ABHD12: variants seen among roughly 807,000 people sequenced by gnomAD.
ABHD12 encodes abhydrolase domain containing 12, lysophospholipase.
ABHD12 carries 43 observed loss-of-function variants against 58.3 expected under a neutral mutation model. The observed-to-expected ratio is 0.74, with a 90% CI of 0.58 to 0.95. The LOEUF is 0.95. ABHD12 is among the 40% of genes least tolerant of loss of function. The pLI, the probability that ABHD12 is intolerant of heterozygous loss-of-function variation, is 0.00. For synonymous variants in ABHD12, 219 were observed against 211.2 expected, an observed-to-expected ratio of 1.04 and a Z score of -0.32; for missense variants, 539 against 537.2, an observed-to-expected ratio of 1.00 and a Z score of -0.03.
intron 3 of ABHD12, among the ~76,000 whole-genome samples, chr20:25,322,381 A>ATATATATTTTTTTT: frequency 1.0e-4 from 6 of 59,270 alleles, no homozygotes; most frequent in African/African-American, 1.7e-4. Flanking sequence ...ATATATATAT[A>ATATATATTTTTTTT]TTTTTTTTTT....
At chr20:25,317,486 G>A (rs936581847) in intron 4 of ABHD12, among the ~76,000 whole-genome samples, 1 of 152,166 alleles carries the variant, frequency 6.6e-6, no homozygotes, top group Non-Finnish European at 1.5e-5. Flanking sequence ...TGCTCCGCAC[G>A]TCTCAGCCGA....
At chr20:25,317,758 C>T (rs1448871544) in intron 4 of ABHD12, among the ~76,000 whole-genome samples, 2 of 152,234 alleles carry the variant, frequency 1.3e-5, no homozygotes, top group Admixed American at 6.5e-5. Flanking sequence ...TCGGCACACA[C>T]CCTCCCATTT....
At position 25,300,692 on chromosome 20, in the gene ABHD12, TC is replaced by T. The variant is rs1395027520; in HGVS notation, c.*152del. 8 of 1,538,162 alleles carry T rather than the reference TC, an allele frequency of 5.2e-6. No homozygotes were observed. In the African/African-American group the frequency reaches 9.6e-5, roughly 18 times the overall value. ...CGGGCACTGCAGGCCTGCAGGGGCC[TC>T]CCCGCCTGGGATCTGAGGTGCTCTC... On this transcript the variant is annotated 3_prime_UTR_variant, in exon 13 of 13. Coordinates refer to ENST00000339157, the MANE Select transcript of ABHD12 (RefSeq NM_001042472.3).
intron 1 of ABHD12, among the ~76,000 whole-genome samples, chr20:25,359,100 TA>T (rs367930738): frequency 0.044 from 5,700 of 128,644 alleles, 315 homozygotes; most frequent in African/African-American, 0.14. Flanking sequence ...GCCTCCTTTG[TA>T]AAAAAAAAAA....
At chr20:25,330,623 G>C (rs915117355) in intron 2 of ABHD12, among the ~76,000 whole-genome samples, 1 of 152,192 alleles carries the variant, frequency 6.6e-6, no homozygotes, top group Non-Finnish European at 1.5e-5. Flanking sequence ...ATCTGAGAAC[G>C]GGCAGAATGC....
At chr20:25,297,503 T>C (rs1380311885), downstream of ABHD12, 3 of 152,306 alleles carry the variant, frequency 2.0e-5, no homozygotes, top group Non-Finnish European at 4.4e-5. Context: ...TTTCCACCAG[T>C]GCCACAGCCT....
intron 1 of ABHD12, chr20:25,368,739 A>G (rs1305244558): frequency 2.7e-6 from 3 of 1,109,746 alleles, no homozygotes; most frequent in Admixed American, 3.5e-5. Context: ...CTTCGTCAGC[A>G]ATGTTGAAGA....
chr20:25,324,138 C>T (rs906262301), intron 2 of ABHD12, among the ~76,000 whole-genome samples: 3 of 152,220 alleles, frequency 2.0e-5, no homozygotes, highest in Non-Finnish European at 4.4e-5. Flanking sequence ...CAGCACCTCA[C>T]ACTGTGGAAG....
intron 1 of ABHD12, among the ~76,000 whole-genome samples, chr20:25,360,408 T>C (rs1568759505): frequency 1.3e-5 from 2 of 151,526 alleles, no homozygotes; most frequent in Non-Finnish European, 2.9e-5. Flanking sequence ...GCCCGACTAA[T>C]TTTTGTATTT....
chr20:25,324,366 T>C (rs2089137248), intron 2 of ABHD12, among the ~76,000 whole-genome samples: 1 of 152,136 alleles, frequency 6.6e-6, no homozygotes, highest in Admixed American at 6.5e-5. Context: ...ATGGGGGCAA[T>C]TTTTTCCTTA....
At chr20:25,371,960 C>T (rs1456946649) in intron 1 of ABHD12, among the ~76,000 whole-genome samples, 4 of 152,156 alleles carry the variant, frequency 2.6e-5, no homozygotes, top group Non-Finnish European at 4.4e-5. Context: ...TCGGGGCATA[C>T]GTGTGTCTTC....
intron 1 of ABHD12, among the ~76,000 whole-genome samples, chr20:25,357,651 TA>T (rs1451289091): frequency 6.6e-6 from 1 of 152,148 alleles, no homozygotes; most frequent in Non-Finnish European, 1.5e-5. Context: ...TTATGCAACA[TA>T]TATATAAAAG....
intron 1 of ABHD12, among the ~76,000 whole-genome samples, chr20:25,345,107 A>C (rs1447682381): frequency 6.7e-6 from 1 of 150,136 alleles, no homozygotes; most frequent in African/African-American, 2.5e-5. Flanking sequence ...TTTTCTGGAG[A>C]TGGAGTCTCG....
chr20:25,364,153 C>A (rs1182859954), intron 1 of ABHD12, among the ~76,000 whole-genome samples: 1 of 152,188 alleles, frequency 6.6e-6, no homozygotes, highest in Non-Finnish European at 1.5e-5. Flanking sequence ...CTAAGACTCT[C>A]CTAAACTAGC....
In ABHD12 at chr20:25,294,982, C is replaced by T. The variant is rs751242847; in HGVS notation, c.1206G>A (p.Glu402=). 7.4e-6 allele frequency: 12 copies of T among 1,614,102 alleles called. 1 individual carries two copies. Among genetic ancestry groups the T allele is most frequent in the Middle Eastern group, 1.6e-4 (1 of 6,084 alleles). The stretch of plus-strand genomic sequence containing the variant: ...CACCTGTTGGCTTCAGTCACACCAG[C>T]TCTGACCACATGCTGGGATCTGGGC... The change falls in exon 13 of 13, where the codon GAG becomes GAA. Residue 402 remains glutamate (E), a synonymous_variant. Transcript: ENST00000376542.
At chr20:25,338,048 A>T (rs896662535) in intron 2 of ABHD12, among the ~76,000 whole-genome samples, 6 of 151,804 alleles carry the variant, frequency 4.0e-5, no homozygotes, top group African/African-American at 1.5e-4. Flanking sequence ...TACCGGCATT[A>T]AAAAAAACAA....
chr20:25,310,222 T>A (rs977304231), intron 6 of ABHD12: 2 of 153,074 alleles, frequency 1.3e-5, no homozygotes, highest in Non-Finnish European at 2.9e-5. Context: ...GAAGGCTTGG[T>A]CAGGGGCAGG....
In ABHD12 at chr20:25,317,072, G is replaced by A. The variant is rs371458452; in HGVS notation, c.549C>T (p.Gly183=). The A allele has an allele frequency of 3.6e-5, 58 of 1,611,572 alleles. No homozygotes were observed. In the African/African-American group the frequency reaches 4.8e-4, roughly 13 times the overall value. ...CCTTGTAAAGCTCCACGCGGTGGTC[G>A]CCTCCTCTGGAGAAGAAAACAGGAC... The part of the protein sequence containing the change: ...YLHGNAGTRG[G]DHRVELYKVL... Residue 183 remains glycine (G), a synonymous_variant, in exon 5 of 13, where the codon GGC becomes GGT. Transcript: ENST00000339157.
At chr20:25,363,015 A>C (rs1360786304) in intron 1 of ABHD12, among the ~76,000 whole-genome samples, 2 of 151,742 alleles carry the variant, frequency 1.3e-5, no homozygotes, top group Non-Finnish European at 2.9e-5. Flanking sequence ...GTAGAAAGTC[A>C]CTGCAATCAA....
Sources: gnomAD v4.1 joint callset for allele counts (sites outside exome capture counted in the v4.1 genomes callset) on GRCh38, gnomAD v4.1.1 for gene constraint, MANE v1.5 for transcripts, NCBI Gene and HGNC (gene_info 2026-07-23, HGNC 2026-07-21) for gene names.